Variants in LYPLA1 observed in about 807,000 individuals in gnomAD.
LYPLA1 encodes the protein lysophospholipase 1.
In LYPLA1, 17 loss-of-function variants were observed where a neutral mutation model predicts 34.0. The ratio of observed to expected loss-of-function variants is 0.50; its 90% confidence interval spans 0.34 to 0.75. LYPLA1 has a LOEUF of 0.75. Ranked by LOEUF, LYPLA1 falls within the 30% of genes least tolerant of loss-of-function variation. LYPLA1 has a pLI of 0.01. For missense variants in LYPLA1, 203 were observed against 288.8 expected, an observed-to-expected ratio of 0.70 and a Z score of 2.15; for synonymous variants, 98 against 100.8, an observed-to-expected ratio of 0.97 and a Z score of 0.17.
Position 54,100,949 on chromosome 8 carries a change from A to G in LYPLA1, c.70-10T>C. 6.2e-7 allele frequency: 1 copy of G among 1,607,030 alleles called. No individual in the cohort carries two copies. The highest frequency in any genetic ancestry group is 1.7e-4 in the Middle Eastern group (1 of 6,052). The stretch of plus-strand genomic sequence containing the variant: ...CATGCAGGAAAATCACCTATAAGAG[A>G]AGAGGAAAATTAATAAGCAATGCCT... On this transcript the variant is annotated splice_polypyrimidine_tract_variant and intron_variant, in intron 1 of 8. Transcript: ENST00000316963.
Position 54,046,944 on chromosome 8 carries a change from A to G in LYPLA1, c.*1121T>C, listed in dbSNP as rs769077634. The G allele has an allele frequency of 2.6e-5, 4 of 152,184 alleles. No homozygotes were observed. The highest frequency in any genetic ancestry group is 6.5e-5 in the Admixed American group (1 of 15,280). 9.4% of individuals were successfully genotyped at this position (152,184 alleles called of 1,614,324 possible). On this transcript the variant is annotated 3_prime_UTR_variant, in exon 9 of 9. Transcript: ENST00000316963. ...TAAAGTGAAAATTTCAAATAAGTCC[A>G]CTGGCAGATGAAAATAAAGCAAAAA...
At chr8:54,073,646 A>T in intron 2 of LYPLA1, 1 of 453,316 alleles carries the variant, frequency 2.2e-6, no homozygotes, top group Non-Finnish European at 4.0e-6. Flanking sequence ...TGCTGCTACA[A>T]TGTCCTAACA....
chr8:54,101,472 G>C (rs1810144883), intron 1 of LYPLA1: 2 of 1,110,154 alleles, frequency 1.8e-6, no homozygotes, highest in Non-Finnish European at 2.2e-6. Flanking sequence ...ACACGCTGCA[G>C]AGGCTGACGC....
chr8:54,071,419 A>AAT (rs10644581), intron 2 of LYPLA1, among the ~76,000 whole-genome samples: 151,702 of 152,222 alleles, frequency 1, 75,594 homozygotes, highest in Middle Eastern at 1. Flanking sequence ...GGTGATAGGA[A>AAT]CATGTTTGCA....
chr8:54,047,758 T>C lies in LYPLA1; in HGVS notation c.*307A>G, dbSNP rs1805565692. On this transcript the variant is annotated 3_prime_UTR_variant, in exon 9 of 9. Coordinates refer to ENST00000316963, the MANE Select transcript of LYPLA1 (RefSeq NM_006330.4). ...AAGCATACTGCTAATTTTCAAATGA[T>C]GTAATAAAAAATCTGGTGGCAGTAC... The C allele has an allele frequency of 3.9e-6, 1 of 255,048 alleles. No individual in the cohort carries two copies. The highest frequency in any genetic ancestry group is 7.4e-6 in the Non-Finnish European group (1 of 135,470). 15.8% of individuals were successfully genotyped at this position (255,048 alleles called of 1,614,324 possible). A position where few individuals can be genotyped will look rare whatever the true frequency, so the allele number is the denominator to read the frequency against.
At chr8:54,082,300 C>G (rs1240171374) in intron 2 of LYPLA1, among the ~76,000 whole-genome samples, 1 of 152,184 alleles carries the variant, frequency 6.6e-6, no homozygotes, top group African/African-American at 2.4e-5. Context: ...CGCACACGCA[C>G]ATACATACGC....
intron 2 of LYPLA1, among the ~76,000 whole-genome samples, chr8:54,079,586 T>C (rs1390610368): frequency 6.6e-6 from 1 of 152,086 alleles, no homozygotes; most frequent in East Asian, 1.9e-4. Flanking sequence ...GCGGATCATT[T>C]GAGTCCAGGA....
At chr8:54,099,481 C>A (rs971337924) in intron 2 of LYPLA1, among the ~76,000 whole-genome samples, 4 of 152,206 alleles carry the variant, frequency 2.6e-5, no homozygotes, top group Non-Finnish European at 4.4e-5. Flanking sequence ...AGTTCGAGAC[C>A]AGCGTAACCA....
chr8:54,093,136 C>A (rs1030794501), intron 2 of LYPLA1, among the ~76,000 whole-genome samples: 1 of 152,118 alleles, frequency 6.6e-6, no homozygotes, highest in Non-Finnish European at 1.5e-5. Flanking sequence ...GTGGATAACA[C>A]GAGTGTGTCC....
At chr8:54,068,713 T>G (rs1807257359) in intron 2 of LYPLA1, among the ~76,000 whole-genome samples, 1 of 150,294 alleles carries the variant, frequency 6.7e-6, no homozygotes, top group African/African-American at 2.4e-5. Context: ...ATGTAAGAGA[T>G]AAAACTATAA....
At chr8:54,068,087 C>T (rs1586114879) in intron 2 of LYPLA1, among the ~76,000 whole-genome samples, 1 of 152,074 alleles carries the variant, frequency 6.6e-6, no homozygotes, top group East Asian at 1.9e-4. Context: ...GTATTAACTG[C>T]AATACTTACA....
intron 8 of LYPLA1, 38 bp from the exon 9 acceptor site, chr8:54,048,156 T>C (rs188908999): frequency 2.0e-5 from 27 of 1,322,710 alleles, no homozygotes; most frequent in Admixed American, 3.4e-5. Context: ...TAGGTAGTTA[T>C]GTAAGTCAGA....
In LYPLA1 at chr8:54,052,038, A is replaced by G. The variant is rs532573487; in HGVS notation, c.462+617T>C. On this transcript the variant is annotated intron_variant, in intron 7 of 8. Coordinates refer to ENST00000316963, the MANE Select transcript of LYPLA1 (RefSeq NM_006330.4). ...GCTAATTTCTGTATTTTTAGTAGCCATGGGGTTTCACCATGTTGGCCAGGC... is the reference window on the plus strand; with the variant it reads ...GCTAATTTCTGTATTTTTAGTAGCCGTGGGGTTTCACCATGTTGGCCAGGC... Among the ~76,000 whole-genome samples the G allele has an allele frequency of 1.8e-4, 28 of 151,678 alleles. No homozygotes were observed. In the East Asian group the frequency reaches 5.1e-3, roughly 28 times the overall value.
chr8:54,089,246 CCA>C (rs1382066814), intron 2 of LYPLA1, among the ~76,000 whole-genome samples: 5 of 152,150 alleles, frequency 3.3e-5, no homozygotes, highest in East Asian at 3.8e-4. Flanking sequence ...TCCCCATCAA[CCA>C]CAGTTTTGCT....
intron 2 of LYPLA1, among the ~76,000 whole-genome samples, chr8:54,098,271 TG>T (rs1563679475): frequency 6.6e-6 from 1 of 151,628 alleles, no homozygotes; most frequent in African/African-American, 2.4e-5. Context: ...ATAACCCAGA[TG>T]GCTACCAAGT....
chr8:54,065,939 T>C, intron 2 of LYPLA1, 126 bp from the exon 3 acceptor site: 1 of 675,004 alleles, frequency 1.5e-6, no homozygotes, highest in South Asian at 1.7e-5. Flanking sequence ...GGTTTTTTTT[T>C]GTTTGTTTGT....
At chr8:54,072,510 AT>A (rs1807553675) in intron 2 of LYPLA1, among the ~76,000 whole-genome samples, 1 of 152,200 alleles carries the variant, frequency 6.6e-6, no homozygotes, top group African/African-American at 2.4e-5. Context: ...AATATCCAGA[AT>A]CTATAAGGAA....
chr8:54,093,810 T>C (rs1003922643), intron 2 of LYPLA1, among the ~76,000 whole-genome samples: 7 of 152,248 alleles, frequency 4.6e-5, no homozygotes, highest in African/African-American at 1.4e-4. Context: ...TGAGGTATAT[T>C]TTATGGTATG....
chr8:54,071,239 T>C (rs969436276), intron 2 of LYPLA1, among the ~76,000 whole-genome samples: 13 of 152,102 alleles, frequency 8.5e-5, no homozygotes, highest in African/African-American at 1.2e-4. Context: ...CTGGAAAGGA[T>C]CTCAGGCCAG....
Sources: allele counts gnomAD v4.1 joint callset (sites outside exome capture counted in the v4.1 genomes callset), GRCh38; gene constraint gnomAD v4.1.1; transcripts MANE v1.5; gene names NCBI Gene and HGNC (gene_info 2026-07-23, HGNC 2026-07-21).